TRPS1: variants seen among roughly 807,000 people sequenced by gnomAD.
TRPS1 encodes the protein zinc finger transcription factor Trps1.
Under a neutral mutation model 101.2 loss-of-function variants are expected in TRPS1, and 6 were observed. The observed-to-expected ratio is 0.06, with a 90% CI of 0.03 to 0.12. The LOEUF (loss-of-function observed/expected upper bound fraction) is 0.12, where lower values mean the gene tolerates loss of function less well. Ranked by LOEUF, TRPS1 falls within the 10% of genes least tolerant of loss-of-function variation. TRPS1 has a pLI of 1.00. For missense variants in TRPS1, 1,363 were observed against 1,567.0 expected (o/e 0.87, Z 2.20); for synonymous variants, 578 against 589.8 (o/e 0.98, Z 0.29).
rs1229922577 is a variant in TRPS1, at chr8:115,508,915, T to C, written c.2700+78086A>G. 1.3e-5 allele frequency among the ~76,000 whole-genome samples: 2 copies of C among 151,948 alleles called. 1 individual carries two copies. Among genetic ancestry groups the C allele is most frequent in the Non-Finnish European group, 2.9e-5 (2 of 67,954 alleles). On this transcript the variant is annotated intron_variant, in intron 5 of 6. Transcript: ENST00000395715. Reference sequence around the variant, plus strand: ...CATCTTTCTGCATACCCTGGAAACATTTGGACTCTATGTAAAGTTGCCAGA... The same window carrying C: ...CATCTTTCTGCATACCCTGGAAACACTTGGACTCTATGTAAAGTTGCCAGA...
At chr8:115,441,894 A>AGTGTGT (rs746166025) in intron 5 of TRPS1, among the ~76,000 whole-genome samples, 2,035 of 131,964 alleles carry the variant, frequency 0.015, 27 homozygotes, top group South Asian at 0.081. Context: ...AGAGAGAGAG[A>AGTGTGT]GAGAGTGTGT....
chr8:115,414,308 T>C lies in TRPS1; in HGVS notation c.3600A>G (p.Ala1200=). 1 of 1,614,020 alleles carries C rather than the reference T, an allele frequency of 6.2e-7. No individual in the cohort carries two copies. The highest frequency in any genetic ancestry group is 8.5e-7 in the Non-Finnish European group (1 of 1,179,958). ...ANGASKEKTK[A]PPNVKNEGPL... is the part of the protein sequence containing the mutation. ...GACCTTCATTTTTTACATTTGGTGG[T>C]GCCTTCGTTTTCTCCTTGGAGGCAC... is the stretch of plus-strand genomic sequence containing the variant. Residue 1200 remains alanine (A), a synonymous_variant, in exon 7 of 7, where the codon GCA becomes GCG. Transcript: ENST00000395715. This position sits in a 1 kb window ranked among gnomAD's most constrained non-coding sequence, Gnocchi z 4.8.
chr8:115,600,842 A>C (rs1162197466), intron 4 of TRPS1, among the ~76,000 whole-genome samples: 2 of 152,118 alleles, frequency 1.3e-5, no homozygotes, highest in Non-Finnish European at 2.9e-5. Flanking sequence ...TACACAGTTG[A>C]ATTAAATGAT....
chr8:115,638,541 G>A (rs754168153), intron 1 of TRPS1, among the ~76,000 whole-genome samples: 1 of 152,182 alleles, frequency 6.6e-6, no homozygotes, highest in African/African-American at 2.4e-5. Flanking sequence ...CAGAAAAGGT[G>A]TGGGCAGAGA....
At chr8:115,632,805 G>A (rs1360525197) in intron 1 of TRPS1, among the ~76,000 whole-genome samples, 1 of 152,124 alleles carries the variant, frequency 6.6e-6, no homozygotes, top group Non-Finnish European at 1.5e-5. Flanking sequence ...TTAGCAGTCA[G>A]GAGAGTGACT....
At chr8:115,424,799 T>C (rs1205959374) in intron 5 of TRPS1, among the ~76,000 whole-genome samples, 1 of 152,236 alleles carries the variant, frequency 6.6e-6, no homozygotes, top group African/African-American at 2.4e-5. Context: ...GTTCTATTAA[T>C]TACCAATAGA....
chr8:115,504,576 G>A (rs918865938), intron 5 of TRPS1, among the ~76,000 whole-genome samples: 3 of 152,178 alleles, frequency 2.0e-5, no homozygotes, highest in Non-Finnish European at 4.4e-5. Context: ...AGTTGTGTAT[G>A]TGTGTTTGGT....
At chr8:115,577,755 T>G (rs1223389999) in intron 5 of TRPS1, among the ~76,000 whole-genome samples, 1 of 152,112 alleles carries the variant, frequency 6.6e-6, no homozygotes, top group Non-Finnish European at 1.5e-5. Context: ...TTAATATATT[T>G]CAGCAAAAAA....
At position 115,518,247 on chromosome 8, in the gene TRPS1, T is replaced by A. The variant is rs73706619; in HGVS notation, c.2700+68754A>T. On this transcript the variant is annotated intron_variant, in intron 5 of 6. Transcript: ENST00000395715. Reference sequence around the variant, plus strand: ...ATAAATTTAAATCACACACCAATAATGAGTTGTAAAGCTAAAGGAAACTAT... The same window carrying A: ...ATAAATTTAAATCACACACCAATAAAGAGTTGTAAAGCTAAAGGAAACTAT... Among the ~76,000 whole-genome samples, 1,247 of 151,768 alleles carry A rather than the reference T, an allele frequency of 8.2e-3. 18 individuals are homozygous for A. The highest frequency in any genetic ancestry group is 0.029 in the African/African-American group (1,205 of 41,396).
chr8:115,427,248 G>A (rs969712387), intron 5 of TRPS1, among the ~76,000 whole-genome samples: 1 of 152,108 alleles, frequency 6.6e-6, no homozygotes, highest in Admixed American at 6.5e-5. Context: ...CTGTACTCCA[G>A]CCTGGGCAAC....
intron 4 of TRPS1, among the ~76,000 whole-genome samples, chr8:115,602,901 G>A (rs189584351): frequency 9.3e-4 from 141 of 152,164 alleles, no homozygotes; most frequent in Admixed American, 4.6e-3. Flanking sequence ...GCTCCTTCCC[G>A]AGGAAGTAAT....
At chr8:115,478,297 A>G (rs1351042700) in intron 5 of TRPS1, among the ~76,000 whole-genome samples, 1 of 152,126 alleles carries the variant, frequency 6.6e-6, no homozygotes, top group Non-Finnish European at 1.5e-5. Flanking sequence ...GGAGATACGT[A>G]TTTCTTCATT....
Position 115,604,586 on chromosome 8 carries a change from T to A in TRPS1, c.1383A>T (p.Ser461=), listed in dbSNP as rs1258730543. ...TGCCATAATGTTCTAGCAGTTTAAG[T>A]GAGCTAGATGACTCACAGCTGAAAC... ...FCSFSCESSS[S]LKLLEHYGKQ... The change falls in exon 4 of 7, where the codon TCA becomes TCT. Residue 461 remains serine (S), a synonymous_variant. Transcript: ENST00000395715. This position sits in a 1 kb window ranked among gnomAD's most constrained non-coding sequence, Gnocchi z 4.1. 6.2e-7 allele frequency: 1 copy of A among 1,614,036 alleles called. No homozygotes were observed.
intron 5 of TRPS1, among the ~76,000 whole-genome samples, chr8:115,420,122 C>T (rs1586255733): frequency 6.6e-6 from 1 of 152,066 alleles, no homozygotes; most frequent in Non-Finnish European, 1.5e-5. Context: ...ACTAGATTTC[C>T]AAAGATAATC....
chr8:115,657,632 A>G (rs1811704520), intron 1 of TRPS1, among the ~76,000 whole-genome samples: 3 of 152,236 alleles, frequency 2.0e-5, no homozygotes, highest in South Asian at 4.1e-4. Context: ...AGCATCATCC[A>G]TGGTCGAATG....
chr8:115,665,534 G>A (rs1352824430), intron 1 of TRPS1, among the ~76,000 whole-genome samples: 1 of 152,178 alleles, frequency 6.6e-6, no homozygotes, highest in Non-Finnish European at 1.5e-5. Flanking sequence ...AATAAACTCA[G>A]GAGTGGTAGG....
chr8:115,634,214 C>G (rs2130569393), intron 1 of TRPS1, among the ~76,000 whole-genome samples: 1 of 152,238 alleles, frequency 6.6e-6, no homozygotes, highest in South Asian at 2.1e-4. Flanking sequence ...GTTTCTCAGA[C>G]AGAATCACAA....
At chr8:115,586,463 CCT>C (rs1817560798) in intron 5 of TRPS1, among the ~76,000 whole-genome samples, 2 of 152,210 alleles carry the variant, frequency 1.3e-5, no homozygotes, top group South Asian at 4.2e-4. Flanking sequence ...CATTTTTCCC[CCT>C]CTTGTTGGCA....
At chr8:115,466,971 C>A (rs1814337723) in intron 5 of TRPS1, among the ~76,000 whole-genome samples, 1 of 152,022 alleles carries the variant, frequency 6.6e-6, no homozygotes, top group African/African-American at 2.4e-5. Flanking sequence ...AATAGACATC[C>A]CCTCAGAATG....
Sources: allele counts gnomAD v4.1 joint callset (sites outside exome capture counted in the v4.1 genomes callset), GRCh38; gene constraint gnomAD v4.1.1; non-coding constraint Gnocchi (gnomAD v3.1); transcripts MANE v1.5; gene names NCBI Gene and HGNC (gene_info 2026-07-23, HGNC 2026-07-21).